The following MOCOS variants were observed in gnomAD, a reference collection of about 807,000 sequenced individuals.
MOCOS encodes the protein molybdenum cofactor sulfurase.
A neutral mutation model predicts 83.6 loss-of-function variants in MOCOS; 86 were observed. The observed-to-expected ratio is 1.03, with a 90% CI of 0.86 to 1.23. The LOEUF (loss-of-function observed/expected upper bound fraction) is 1.23. MOCOS is among the 50% of genes most tolerant of loss of function. The probability of loss-of-function intolerance (pLI) is 0.00; values close to 1 mark genes in which losing one functional copy is unlikely to be tolerated. For synonymous variants in MOCOS, 445 were observed against 434.7 expected, an observed-to-expected ratio of 1.02 and a Z score of -0.29; for missense variants, 1,120 against 1,126.9, an observed-to-expected ratio of 0.99 and a Z score of 0.09.
intron 9 of MOCOS, among the ~76,000 whole-genome samples, chr18:36,220,932 A>AT (rs2091493730): frequency 2.7e-5 from 1 of 37,062 alleles, no homozygotes; most frequent in Admixed American, 2.8e-4. Context: ...ATGTCTCAAA[A>AT]GAAAAAAAAA....
chr18:36,268,578 T>A lies in MOCOS; in HGVS notation c.2560T>A (p.Ser854Thr), dbSNP rs1218807054. The A allele has an allele frequency of 6.2e-7, 1 of 1,614,084 alleles. No individual in the cohort carries two copies. Among genetic ancestry groups the A allele is most frequent in the Non-Finnish European group, 8.5e-7 (1 of 1,180,044 alleles). Residue 854 changes from serine (S) to threonine (T), a missense_variant, in exon 15 of 15, where the codon TCC (serine) becomes ACC (threonine). By Grantham distance (58) the Ser-to-Thr change is moderately conservative. Transcript: ENST00000261326. ...GATGCATGCATCATTGGATTTATCCTCCCCATGTTTCCTGTCTGTAGGATC... is the reference window on the plus strand; with the variant it reads ...GATGCATGCATCATTGGATTTATCCACCCCATGTTTCCTGTCTGTAGGATC... ...YLMHASLDLS[S>T]PCFLSVGSQV...
At chr18:36,216,024 T>C in intron 8 of MOCOS, 47 bp downstream of exon 8, 1 of 1,534,832 alleles carries the variant, frequency 6.5e-7, no homozygotes, top group East Asian at 2.3e-5. Context: ...TTGTTTACTC[T>C]CTCTATTTTT....
intron 4 of MOCOS, 84 bp downstream of exon 4, chr18:36,200,408 G>A (rs2091408924): frequency 6.5e-7 from 1 of 1,547,460 alleles, no homozygotes; most frequent in African/African-American, 1.4e-5. Flanking sequence ...TGCAAGAGGT[G>A]GGTCTGGCTT....
intron 9 of MOCOS, among the ~76,000 whole-genome samples, chr18:36,244,516 G>T (rs1331095539): frequency 6.6e-6 from 1 of 152,014 alleles, no homozygotes; most frequent in Non-Finnish European, 1.5e-5. Context: ...TTTCTTAAAT[G>T]TATTGAGACT....
At chr18:36,199,631 T>A in intron 3 of MOCOS, 52 bp from the exon 4 acceptor site, 1 of 1,610,246 alleles carries the variant, frequency 6.2e-7, no homozygotes, top group Non-Finnish European at 8.5e-7. Flanking sequence ...CTGCAAACAT[T>A]CAGTGCTGGG....
intron 2 of MOCOS, 125 bp from the exon 3 acceptor site, chr18:36,198,565 A>C (rs2091399352): frequency 1.0e-5 from 9 of 884,124 alleles, no homozygotes; most frequent in Admixed American, 3.9e-5. Flanking sequence ...TAGGAGTGGA[A>C]TTGTTAGGTG....
chr18:36,221,298 A>G (rs915239074), intron 9 of MOCOS, among the ~76,000 whole-genome samples: 4 of 152,248 alleles, frequency 2.6e-5, no homozygotes, highest in African/African-American at 7.2e-5. Context: ...ACGGGTATAA[A>G]GAATAATACA....
rs1239380535 is a variant in MOCOS at position 36,260,032 on chromosome 18, A to T, written c.2271-5A>T. The T allele has an allele frequency of 6.2e-7, 1 of 1,614,186 alleles. No individual in the cohort carries two copies. The highest frequency in any genetic ancestry group is 1.1e-5 in the South Asian group (1 of 91,088). On this transcript the variant is annotated splice_polypyrimidine_tract_variant and splice_region_variant and intron_variant, in intron 12 of 14. Coordinates refer to ENST00000261326, the MANE Select transcript of MOCOS (RefSeq NM_017947.4). ...CTACTTACTCTTTTTGGTTGCTTTA[A>T]TCAGTGATGAGAATGGAAAGGAGGA... is the stretch of plus-strand genomic sequence containing the variant.
At chr18:36,266,362 C>G (rs1360294553) in intron 13 of MOCOS, among the ~76,000 whole-genome samples, 2 of 152,072 alleles carry the variant, frequency 1.3e-5, no homozygotes, top group Non-Finnish European at 2.9e-5. Flanking sequence ...TCCTGAACTC[C>G]TGGCCTCAAG....
chr18:36,224,354 T>C (rs2091507791), intron 9 of MOCOS, among the ~76,000 whole-genome samples: 1 of 152,202 alleles, frequency 6.6e-6, no homozygotes, highest in African/African-American at 2.4e-5. Flanking sequence ...AATGGGCTTC[T>C]TTGCCTTGTT....
chr18:36,195,482 C>G (rs1226043371), intron 2 of MOCOS, 136 bp downstream of exon 2: 1 of 784,714 alleles, frequency 1.3e-6, no homozygotes, highest in South Asian at 1.5e-5. Flanking sequence ...AGATAGGGGC[C>G]AGGCAAGCAC....
intron 6 of MOCOS, 54 bp from the exon 7 acceptor site, chr18:36,213,308 TCTCA>T: frequency 1.5e-6 from 2 of 1,323,524 alleles, no homozygotes; most frequent in Non-Finnish European, 2.2e-6. Flanking sequence ...GATCTGAATC[TCTCA>T]GAGTAAAACT....
chr18:36,232,767 T>C (rs2091543080), intron 9 of MOCOS, among the ~76,000 whole-genome samples: 1 of 152,048 alleles, frequency 6.6e-6, no homozygotes, highest in Admixed American at 6.6e-5. Context: ...GCCTGGCTTA[T>C]TTTACTTAAC....
chr18:36,265,795 T>C (rs1318495119), intron 13 of MOCOS, among the ~76,000 whole-genome samples: 1 of 152,134 alleles, frequency 6.6e-6, no homozygotes, highest in Admixed American at 6.5e-5. Context: ...TAATTTTGTT[T>C]CCTACTTATT....
intron 1 of MOCOS, 81 bp downstream of exon 1, chr18:36,187,762 C>T (rs2091347278): frequency 2.4e-6 from 3 of 1,229,446 alleles, no homozygotes; most frequent in Non-Finnish European, 3.1e-6. Context: ...GTGAGAGCGG[C>T]GCTACCTCAT....
At chr18:36,209,433 C>T (rs921399959) in intron 6 of MOCOS, among the ~76,000 whole-genome samples, 35 of 152,028 alleles carry the variant, frequency 2.3e-4, no homozygotes, top group Admixed American at 9.2e-4. Context: ...TTGGTGCATC[C>T]GTCACTTAAG....
intron 9 of MOCOS, among the ~76,000 whole-genome samples, chr18:36,223,640 G>T (rs372217624): frequency 6.6e-6 from 1 of 152,228 alleles, no homozygotes; most frequent in Admixed American, 6.5e-5. Context: ...ATGCCATTGC[G>T]ATTTTGATAG....
Position 36,268,703 on chromosome 18 carries a change from A to ATTAC in MOCOS, c.*18_*19insTTAC. The ATTAC allele has an allele frequency of 4.5e-6, 2 of 445,748 alleles. No homozygotes were observed. The highest frequency in any genetic ancestry group is 9.9e-5 in the Admixed American group (2 of 20,276). 27.6% of individuals were successfully genotyped at this position (445,748 alleles called of 1,614,324 possible). A position where few individuals can be genotyped will look rare whatever the true frequency, so the allele number is the denominator to read the frequency against. The stretch of plus-strand genomic sequence containing the variant: ...CCTCCTAAAAAAAATTTTTAGCATA[A>ATTAC]AGTTTCTCTTTTACAGTGATCTCTA... On this transcript the variant is annotated 3_prime_UTR_variant, in exon 15 of 15. Coordinates refer to ENST00000261326, the MANE Select transcript of MOCOS (RefSeq NM_017947.4).
intron 1 of MOCOS, among the ~76,000 whole-genome samples, chr18:36,188,260 G>C (rs1205791582): frequency 6.6e-6 from 1 of 152,254 alleles, no homozygotes; most frequent in Non-Finnish European, 1.5e-5. Flanking sequence ...TACAGCGTCA[G>C]AACAATCCCT....
Sources: gnomAD v4.1 joint callset for allele counts (sites outside exome capture counted in the v4.1 genomes callset) on GRCh38, gnomAD v4.1.1 for gene constraint, MANE v1.5 for transcripts, NCBI Gene and HGNC (gene_info 2026-07-23, HGNC 2026-07-21) for gene names.